RIN2: variants seen among roughly 807,000 people sequenced by gnomAD.
RIN2 encodes the protein Ras and Rab interactor 2.
In RIN2, 36 loss-of-function variants were observed where a neutral mutation model predicts 78.0. The ratio of observed to expected loss-of-function variants is 0.46; its 90% CI spans 0.35 to 0.61. The LOEUF (loss-of-function observed/expected upper bound fraction) is 0.61. Ranked by LOEUF, RIN2 falls within the 20% of genes least tolerant of loss-of-function variation. The probability of loss-of-function intolerance (pLI) is 0.00; values close to 1 mark genes in which losing one functional copy is unlikely to be tolerated. For missense variants in RIN2, 1,087 were observed against 1,159.7 expected, an observed-to-expected ratio of 0.94 and a Z score of 0.91; for synonymous variants, 466 against 466.8, an observed-to-expected ratio of 1.00 and a Z score of 0.02.
chr20:19,912,652 T>C (rs1220269932), intron 3 of RIN2, among the ~76,000 whole-genome samples: 1 of 151,902 alleles, frequency 6.6e-6, no homozygotes, highest in Non-Finnish European at 1.5e-5. Context: ...CTAATTTTTG[T>C]ATTTTTAGTA....
At position 19,963,136 on chromosome 20, in the gene RIN2, A is replaced by G. The variant is rs183162552; in HGVS notation, c.464-1816A>G. Among the ~76,000 whole-genome samples, 4 of 152,264 alleles carry G rather than the reference A, an allele frequency of 2.6e-5. No individual in the cohort carries two copies. In the East Asian group the frequency reaches 7.7e-4, roughly 29 times the overall value. On this transcript the variant is annotated intron_variant, in intron 6 of 12. Coordinates refer to ENST00000255006, the MANE Select transcript of RIN2 (RefSeq NM_018993.4). Reference sequence around the variant, plus strand: ...AAAGTACTGTTAGGGTCCATTTTCCAGATGAGAAAACCGAGGCTTAGAGAA... The same window carrying G: ...AAAGTACTGTTAGGGTCCATTTTCCGGATGAGAAAACCGAGGCTTAGAGAA...
At chr20:19,885,078 T>A (rs764198355) in intron 2 of RIN2, among the ~76,000 whole-genome samples, 12 of 152,216 alleles carry the variant, frequency 7.9e-5, no homozygotes, top group Non-Finnish European at 1.5e-4. Flanking sequence ...GTAGCCAACC[T>A]CATGCAGCAC....
In RIN2 at chr20:19,956,771, G is replaced by C. The variant is rs762895158; in HGVS notation, c.315G>C (p.Glu105Asp). ...GGCTGCAGCTGAGTCTGAGTGAGGA[G>C]GAGGCAGCAGAGGTCCTGCAGGCCC... ...PIWLQLSLSEEEAAEVLQAQP... is the reference protein window; with the variant it reads ...PIWLQLSLSEDEAAEVLQAQP... Residue 105 changes from glutamate to aspartate, a missense_variant, in exon 5 of 13, where the codon GAG becomes GAC. Transcript: ENST00000255006. 1.2e-6 allele frequency: 2 copies of C among 1,600,358 alleles called. No homozygotes were observed. Among genetic ancestry groups the C allele is most frequent in the Middle Eastern group, 1.7e-4 (1 of 6,034 alleles).
chr20:19,989,720 C>T (rs1420479697), intron 9 of RIN2, among the ~76,000 whole-genome samples: 1 of 152,170 alleles, frequency 6.6e-6, no homozygotes, highest in Admixed American at 6.6e-5. Context: ...CCTGTACTTA[C>T]AGGGATAGGG....
chr20:19,974,590 T>C (rs1275156518), intron 8 of RIN2, 64 bp from the exon 9 acceptor site: 24 of 1,512,922 alleles, frequency 1.6e-5, no homozygotes, highest in Non-Finnish European at 2.2e-5. Context: ...TTTTTTTAAT[T>C]TGTGAAGGAA....
At chr20:19,806,461 A>T (rs2035412213) in intron 2 of RIN2, among the ~76,000 whole-genome samples, 1 of 152,226 alleles carries the variant, frequency 6.6e-6, no homozygotes, top group African/African-American at 2.4e-5. Context: ...GAACATCATG[A>T]TTATATCCTG....
chr20:19,895,348 A>G (rs999617291), intron 3 of RIN2, among the ~76,000 whole-genome samples: 1 of 152,306 alleles, frequency 6.6e-6, no homozygotes, highest in Admixed American at 6.5e-5. Context: ...GAAGAGAACC[A>G]GGGTGAATTG....
chr20:19,953,207 C>T (rs1407936637), intron 4 of RIN2, among the ~76,000 whole-genome samples: 3 of 152,218 alleles, frequency 2.0e-5, no homozygotes, highest in South Asian at 4.2e-4. Context: ...GGAAGGATCT[C>T]GGCTCACTGC....
chr20:19,983,377 A>G (rs1469843316), intron 9 of RIN2, among the ~76,000 whole-genome samples: 1 of 152,200 alleles, frequency 6.6e-6, no homozygotes. Flanking sequence ...CTTCATGGCC[A>G]TCTGTAAAAT....
intron 4 of RIN2, among the ~76,000 whole-genome samples, chr20:19,944,002 T>A (rs368365659): frequency 3.5e-4 from 47 of 134,300 alleles, no homozygotes; most frequent in African/African-American, 8.8e-4. Flanking sequence ...TTTTTTTTTT[T>A]ACCTATAACT....
intron 4 of RIN2, chr20:19,935,457 T>C: frequency 1.4e-5 from 17 of 1,244,474 alleles, no homozygotes; most frequent in Non-Finnish European, 1.7e-5. Flanking sequence ...AACCTAAAAT[T>C]GTCTGTGCCA....
intron 3 of RIN2, among the ~76,000 whole-genome samples, chr20:19,929,798 CTG>C (rs1221655141): frequency 6.6e-6 from 1 of 152,180 alleles, no homozygotes; most frequent in Non-Finnish European, 1.5e-5. Context: ...GATTGAAAGT[CTG>C]TGAGAATTAG....
intron 4 of RIN2, among the ~76,000 whole-genome samples, chr20:19,953,528 C>T (rs2041412618): frequency 6.6e-6 from 1 of 152,012 alleles, no homozygotes; most frequent in Non-Finnish European, 1.5e-5. Flanking sequence ...CAACCTCCGC[C>T]TCCCCAAGTT....
At chr20:19,813,173 A>G (rs533976382) in intron 2 of RIN2, among the ~76,000 whole-genome samples, 32 of 152,346 alleles carry the variant, frequency 2.1e-4, no homozygotes, top group Middle Eastern at 6.8e-3. Context: ...CCTTGCCCCC[A>G]GATCACTACT....
chr20:19,820,502 A>T (rs141564740), intron 2 of RIN2, among the ~76,000 whole-genome samples: 2 of 152,334 alleles, frequency 1.3e-5, no homozygotes, highest in Non-Finnish European at 2.9e-5. Context: ...GGGTCTGGGC[A>T]TGTTACTTCT....
At chr20:19,998,121 G>A (rs2043029241) in intron 12 of RIN2, among the ~76,000 whole-genome samples, 1 of 151,942 alleles carries the variant, frequency 6.6e-6, no homozygotes, top group Non-Finnish European at 1.5e-5. Flanking sequence ...TGGGACTACA[G>A]GTGCTCACCA....
At chr20:19,935,303 G>A in intron 4 of RIN2, 104 bp downstream of exon 4, 8 of 1,276,328 alleles carry the variant, frequency 6.3e-6, no homozygotes, top group Non-Finnish European at 8.5e-6. Context: ...TCTGGGAGCT[G>A]GGAGTGTGGT....
At chr20:19,868,756 A>G (rs1042537620) in intron 2 of RIN2, among the ~76,000 whole-genome samples, 1 of 152,110 alleles carries the variant, frequency 6.6e-6, no homozygotes, top group Admixed American at 6.6e-5. Context: ...TAGCACAGAG[A>G]TGATCTCTGA....
At chr20:19,826,761 T>C (rs1451802056) in intron 2 of RIN2, among the ~76,000 whole-genome samples, 1 of 152,144 alleles carries the variant, frequency 6.6e-6, no homozygotes, top group African/African-American at 2.4e-5. Flanking sequence ...CCTACTCCTG[T>C]TTGGTGGCAA....
Sources: gnomAD v4.1 joint callset for allele counts (sites outside exome capture counted in the v4.1 genomes callset) on GRCh38, gnomAD v4.1.1 for gene constraint, MANE v1.5 for transcripts, NCBI Gene and HGNC (gene_info 2026-07-23, HGNC 2026-07-21) for gene names.